CACNA1I: variants seen among roughly 807,000 people sequenced by gnomAD.
CACNA1I encodes voltage-dependent T-type calcium channel subunit alpha-1I.
In CACNA1I, 74 loss-of-function variants were observed where a neutral mutation model predicts 201.6. The ratio of observed to expected loss-of-function variants is 0.37; its 90% CI spans 0.30 to 0.45. CACNA1I has a LOEUF of 0.45. Among genes scored for constraint, CACNA1I ranks in the 20% least tolerant of loss-of-function variants. CACNA1I has a pLI of 1.00. For missense variants in CACNA1I, 2,346 were observed against 3,138.1 expected (o/e 0.75, Z 6.03); for synonymous variants, 1,431 against 1,345.2 (o/e 1.06, Z -1.40).
At position 39,597,415 on chromosome 22, in the gene CACNA1I, C is replaced by G. The variant is rs961934687; in HGVS notation, c.237-736C>G. Among the ~76,000 whole-genome samples the G allele has an allele frequency of 6.6e-5, 10 of 152,138 alleles. 1 individual carries two copies. The highest frequency in any genetic ancestry group is 1.2e-4 in the Non-Finnish European group (8 of 67,998). ...CTCTCAGCAGTGGTGAGGAGAGCAG[C>G]CTGGCCAGGTGCAGGAGGGGAGCCC... On this transcript the variant is annotated intron_variant, in intron 1 of 36. Coordinates refer to ENST00000402142, the MANE Select transcript of CACNA1I (RefSeq NM_021096.4).
In CACNA1I at chr22:39,681,072, C is replaced by T. The variant is rs1228465430; in HGVS notation, c.5664+20C>T. ...AGCAAGGTCAGCTCCCCTGGGGACTCCTGAGCAGGCGGGTCTGTCCTTGAA... is the reference window on the plus strand; with the variant it reads ...AGCAAGGTCAGCTCCCCTGGGGACTTCTGAGCAGGCGGGTCTGTCCTTGAA... On this transcript the variant is annotated intron_variant, in intron 34 of 36. Coordinates refer to ENST00000402142, the MANE Select transcript of CACNA1I (RefSeq NM_021096.4). 6.2e-7 allele frequency: 1 copy of T among 1,600,456 alleles called. No individual in the cohort carries two copies. Among genetic ancestry groups the T allele is most frequent in the South Asian group, 1.1e-5 (1 of 89,558 alleles).
At chr22:39,632,021 G>A (rs892102276) in intron 4 of CACNA1I, among the ~76,000 whole-genome samples, 3 of 152,132 alleles carry the variant, frequency 2.0e-5, no homozygotes, top group Non-Finnish European at 4.4e-5. Flanking sequence ...GAGGCGGGTC[G>A]GGGAGGAGGG....
Position 39,659,609 on chromosome 22 carries a change from A to AG in CACNA1I, c.2448+63dup. 1 of 1,598,860 alleles carries AG rather than the reference A, an allele frequency of 6.3e-7. No individual in the cohort carries two copies. The highest frequency in any genetic ancestry group is 8.6e-7 in the Non-Finnish European group (1 of 1,166,616). ...GAAGCGATGGGACAGTAGGCCTGGGAGGGGCGGGGCTGACAACTCCCATGC... is the reference window on the plus strand; with the variant it reads ...GAAGCGATGGGACAGTAGGCCTGGGAGGGGGCGGGGCTGACAACTCCCATGC... On this transcript the variant is annotated intron_variant, in intron 13 of 36. Transcript: ENST00000402142. The surrounding 1 kb of genome is among the most constrained non-coding windows in gnomAD (Gnocchi z 4.3).
intron 3 of CACNA1I, among the ~76,000 whole-genome samples, chr22:39,613,863 G>T (rs1933455845): frequency 6.6e-6 from 1 of 150,722 alleles, no homozygotes; most frequent in Non-Finnish European, 1.5e-5. Context: ...TTGAGACAGA[G>T]TTTTGTTCTT....
Position 39,646,758 on chromosome 22 carries a change from C to T in CACNA1I, c.1339C>T (p.Arg447Cys), listed in dbSNP as rs1364635948. ...EIFQYVCHIL[R>C]KAKRRALGLY... ...CTTCCAGTATGTCTGCCACATCCTG[C>T]GCAAGGCCAAGCGCCGCGCCCTGGG... The change falls in exon 8 of 37, where the codon CGC becomes TGC. Residue 447 changes from arginine (R) to cysteine (C), a missense_variant. Arg to Cys is a radical substitution (Grantham distance 180, BLOSUM62 -3). Around this residue, in one of 13 missense-constraint regions of CACNA1I, gnomAD observed 312 missense variants for 331.5 expected, o/e 0.94. Coordinates refer to ENST00000402142, the MANE Select transcript of CACNA1I (RefSeq NM_021096.4). 6.3e-7 allele frequency: 1 copy of T among 1,593,456 alleles called. No homozygotes were observed. Among genetic ancestry groups the T allele is most frequent in the East Asian group, 2.3e-5 (1 of 43,762 alleles).
rs751729397 is a variant in CACNA1I at position 39,598,245 on chromosome 22, C to G, written c.331C>G (p.Arg111Gly). The change falls in exon 2 of 37, where the codon CGC becomes GGC. Residue 111 changes from arginine (R) to glycine (G), a missense_variant. By Grantham distance (125) the Arg-to-Gly change is moderately radical. This residue lies in a region of CACNA1I where 130 missense variants were observed against 160.7 expected (regional missense o/e 0.81). Coordinates refer to ENST00000402142, the MANE Select transcript of CACNA1I (RefSeq NM_021096.4). ...PCDDMDCLSD[R>G]CKILQVFDDF... Reference sequence around the variant, plus strand: ...CGACGACATGGACTGCCTGTCCGACCGCTGCAAGATCCTGCAGGTGAGCCG... The same window carrying G: ...CGACGACATGGACTGCCTGTCCGACGGCTGCAAGATCCTGCAGGTGAGCCG... The G allele has an allele frequency of 2.4e-5, 39 of 1,597,530 alleles. No homozygotes were observed. Among genetic ancestry groups the G allele is most frequent in the South Asian group, 1.2e-4 (11 of 89,156 alleles).
At position 39,659,355 on chromosome 22, in the gene CACNA1I, G is replaced by T; in HGVS notation, c.2331-78G>T. 1 of 1,086,620 alleles carries T rather than the reference G, an allele frequency of 9.2e-7. No individual in the cohort carries two copies. The highest frequency in any genetic ancestry group is 1.4e-5 in the South Asian group (1 of 72,816). The allele number at this position is 1,086,620 out of a possible 1,614,324, so 67.3% of individuals were successfully genotyped here. On this transcript the variant is annotated intron_variant, in intron 12 of 36. Coordinates refer to ENST00000402142, the MANE Select transcript of CACNA1I (RefSeq NM_021096.4). The surrounding 1 kb of genome is among the most constrained non-coding windows in gnomAD (Gnocchi z 4.3). ...CTCCCCCTGCCCTGCATTTTACTGA[G>T]TTGACTGAGAATGAAACAAGGTGAG...
chr22:39,677,480 G>A lies in CACNA1I; in HGVS notation c.4933+61G>A. On this transcript the variant is annotated intron_variant, in intron 30 of 36. Coordinates refer to ENST00000402142, the MANE Select transcript of CACNA1I (RefSeq NM_021096.4). The surrounding 1 kb of genome is among the most constrained non-coding windows in gnomAD (Gnocchi z 4.8). ...GCAGCAGGGCTGCAGGAGGAACTGG[G>A]GGGGCGGGGGAGGCCTGAGACCCCT... 8.2e-7 allele frequency: 1 copy of A among 1,221,580 alleles called. No homozygotes were observed. The highest frequency in any genetic ancestry group is 1.1e-6 in the Non-Finnish European group (1 of 889,962). The allele number at this position is 1,221,580 out of a possible 1,614,324, so 75.7% of individuals were successfully genotyped here.
At chr22:39,594,470 C>A (rs1382619054) in intron 1 of CACNA1I, among the ~76,000 whole-genome samples, 1 of 152,136 alleles carries the variant, frequency 6.6e-6, no homozygotes, top group East Asian at 1.9e-4. Flanking sequence ...CAGGCTCAGG[C>A]TCGAAGGGGG....
rs758559218 is a variant in CACNA1I, at chr22:39,672,939, G to A, written c.4650-10G>A. On this transcript the variant is annotated splice_polypyrimidine_tract_variant and intron_variant, in intron 27 of 36. Coordinates refer to ENST00000402142, the MANE Select transcript of CACNA1I (RefSeq NM_021096.4). ...TGCCCACTCCTGCCCTCCCATGCAC[G>A]GCTGAGCAGATGGAACCAGCTGGAC... is the stretch of plus-strand genomic sequence containing the variant. 1.9e-6 allele frequency: 3 copies of A among 1,611,130 alleles called. No individual in the cohort carries two copies. The highest frequency in any genetic ancestry group is 2.5e-6 in the Non-Finnish European group (3 of 1,178,328).
chr22:39,590,310 T>C (rs942981376), intron 1 of CACNA1I, among the ~76,000 whole-genome samples: 2 of 152,182 alleles, frequency 1.3e-5, no homozygotes, highest in Admixed American at 1.3e-4. Context: ...CTGGGGGACC[T>C]TGAGGCAAAC....
intron 1 of CACNA1I, among the ~76,000 whole-genome samples, chr22:39,573,591 G>T (rs1006873888): frequency 1.3e-5 from 2 of 152,150 alleles, no homozygotes; most frequent in African/African-American, 2.4e-5. Context: ...AGCCCAGGGT[G>T]TTAGCCACAC....
chr22:39,648,241 A>G lies in CACNA1I; in HGVS notation c.1567+315A>G, dbSNP rs1934548040. On this transcript the variant is annotated intron_variant, in intron 9 of 36. Transcript: ENST00000402142. This position sits in a 1 kb window ranked among gnomAD's most constrained non-coding sequence, Gnocchi z 5.4. ...GCCCACCCGTCCTCGGGTGCCAGCCATCCAGGCGTGGGCTCGGAGGAGGCC... is the reference window on the plus strand; with the variant it reads ...GCCCACCCGTCCTCGGGTGCCAGCCGTCCAGGCGTGGGCTCGGAGGAGGCC... 6.6e-6 allele frequency among the ~76,000 whole-genome samples: 1 copy of G among 152,066 alleles called. No homozygotes were observed. Among genetic ancestry groups the G allele is most frequent in the South Asian group, 2.1e-4 (1 of 4,826 alleles).
intron 18 of CACNA1I, among the ~76,000 whole-genome samples, chr22:39,663,308 G>A (rs544304778): frequency 6.6e-6 from 1 of 152,318 alleles, no homozygotes; most frequent in East Asian, 1.9e-4. Flanking sequence ...GGAGGAGGAG[G>A]CCTTTGTGCT....
In CACNA1I at chr22:39,682,519, C is replaced by T. The variant is rs748384848; in HGVS notation, c.5688C>T (p.Pro1896=). ...DSKGELDPPE[P]MRVGDLGECF... is the part of the protein sequence containing the mutation. Reference sequence around the variant, plus strand: ...AGGGTGAGCTGGACCCACCTGAGCCCATGCGTGTGGGAGACCTGGGCGAAT... The same window carrying T: ...AGGGTGAGCTGGACCCACCTGAGCCTATGCGTGTGGGAGACCTGGGCGAAT... The change falls in exon 35 of 37, where the codon CCC becomes CCT. Residue 1896 remains proline (P), a synonymous_variant. Coordinates refer to ENST00000402142, the MANE Select transcript of CACNA1I (RefSeq NM_021096.4). 2 of 1,613,764 alleles carry T rather than the reference C, an allele frequency of 1.2e-6. No homozygotes were observed. The highest frequency in any genetic ancestry group is 2.2e-5 in the South Asian group (2 of 91,072).
intron 1 of CACNA1I, among the ~76,000 whole-genome samples, chr22:39,584,724 A>C (rs1189695451): frequency 1.3e-5 from 2 of 152,198 alleles, no homozygotes; most frequent in Non-Finnish European, 2.9e-5. Flanking sequence ...CACAAGTTGC[A>C]TATTTGTTTT....
Position 39,685,817 on chromosome 22 carries a change from G to T in CACNA1I, c.6084G>T (p.Leu2028=). 1.3e-6 allele frequency: 2 copies of T among 1,496,900 alleles called. No individual in the cohort carries two copies. Among genetic ancestry groups the T allele is most frequent in the Non-Finnish European group, 1.8e-6 (2 of 1,130,776 alleles). The allele number at this position is 1,496,900 out of a possible 1,614,324, so 92.7% of individuals were successfully genotyped here. Residue 2028 remains leucine, a synonymous_variant, in exon 37 of 37, where the codon CTG becomes CTT. Transcript: ENST00000402142. The surrounding 1 kb of genome is among the most constrained non-coding windows in gnomAD (Gnocchi z 5.0). ...GCCCCAGCAGCTCCGCGGGCAGCCT[G>T]CAGACCACGCTCGAGGACAGCCTGA... is the stretch of plus-strand genomic sequence containing the variant. ...DASPSSSAGS[L]QTTLEDSLTL...
At position 39,689,663 on chromosome 22, in the gene CACNA1I, C is replaced by T. The variant is rs1385637025; in HGVS notation, c.*3258C>T. 2.0e-5 allele frequency: 3 copies of T among 152,724 alleles called. No homozygotes were observed. Among genetic ancestry groups the T allele is most frequent in the East Asian group, 1.9e-4 (1 of 5,208 alleles). The allele number at this position is 152,724 out of a possible 1,614,324, so 9.5% of individuals were successfully genotyped here. On this transcript the variant is annotated 3_prime_UTR_variant, in exon 37 of 37. Coordinates refer to ENST00000402142, the MANE Select transcript of CACNA1I (RefSeq NM_021096.4). ...CGCTGGTACCTGCTGGCCCATGGCCCGGGTGTAGAGAAACCAAGCGGCAGC... is the reference window on the plus strand; with the variant it reads ...CGCTGGTACCTGCTGGCCCATGGCCTGGGTGTAGAGAAACCAAGCGGCAGC...
rs530726309 is a variant in CACNA1I, at chr22:39,682,746, G to C, written c.5830+85G>C. 475 of 1,194,018 alleles carry C rather than the reference G, an allele frequency of 4.0e-4. 4 individuals carry two copies. Among genetic ancestry groups the C allele is most frequent in the Admixed American group, 6.0e-4 (23 of 38,548 alleles). The allele number at this position is 1,194,018 out of a possible 1,614,324, so 74.0% of individuals were successfully genotyped here. A position where few individuals can be genotyped will look rare whatever the true frequency, so the allele number is the denominator to read the frequency against. On this transcript the variant is annotated intron_variant, in intron 35 of 36. Coordinates refer to ENST00000402142, the MANE Select transcript of CACNA1I (RefSeq NM_021096.4). ...GGGAGATGGCTGAGTTTTTTCCTTA[G>C]TATTTTTACCCAGATTATTATATTT...
Sources: gnomAD v4.1 joint callset for allele counts (sites outside exome capture counted in the v4.1 genomes callset) on GRCh38, gnomAD v4.1.1 for gene constraint, gnomAD v4.1.1 regional missense constraint, Gnocchi (gnomAD v3.1) non-coding constraint, MANE v1.5 for transcripts, NCBI Gene and HGNC (gene_info 2026-07-23, HGNC 2026-07-21) for gene names.